Variants in ETV5 observed in about 807,000 individuals in gnomAD.
The protein encoded by ETV5 is ETS variant transcription factor 5.
Under a neutral mutation model 70.0 loss-of-function variants are expected in ETV5, and 10 were observed. That is an observed-to-expected ratio of 0.14 (90% CI 0.09 to 0.24). The LOEUF is 0.24. Ranked by LOEUF, ETV5 falls within the 10% of genes least tolerant of loss-of-function variation. The pLI, the probability that ETV5 is intolerant of heterozygous loss-of-function variation, is 1.00. For synonymous variants in ETV5, 216 were observed against 242.2 expected (o/e 0.89, Z 1.01); for missense variants, 453 against 651.2 (o/e 0.70, Z 3.31).
At position 186,064,680 on chromosome 3, in the gene ETV5, C is replaced by A; in HGVS notation, c.911-204G>T. ...ACCCACCAGCTGAAAGGCAGGCTCT[C>A]CTAATCAAGAGTCACGGGAGGAAAA... On this transcript the variant is annotated intron_variant, in intron 8 of 12. Transcript: ENST00000306376. 7.1e-6 allele frequency: 4 copies of A among 563,840 alleles called. No individual in the cohort carries two copies. The South Asian group carries it at 9.9e-5, about 14-fold the overall frequency. 34.9% of individuals were successfully genotyped at this position (563,840 alleles called of 1,614,324 possible).
chr3:186,089,641 A>G (rs1714134533), intron 5 of ETV5, among the ~76,000 whole-genome samples: 2 of 152,216 alleles, frequency 1.3e-5, no homozygotes, highest in South Asian at 2.1e-4. Flanking sequence ...GCATTTCTGG[A>G]TGCTGTTTGC....
At chr3:186,108,655 G>A (rs954683725) in intron 1 of ETV5, 38 of 1,154,488 alleles carry the variant, frequency 3.3e-5, no homozygotes, top group Non-Finnish European at 3.9e-5. Flanking sequence ...ATCCACTCGG[G>A]AGCCCCCGCA....
At chr3:186,084,282 T>TAAA (rs11327778) in intron 5 of ETV5, 750 of 217,256 alleles carry the variant, frequency 3.5e-3, no homozygotes, top group Middle Eastern at 9.3e-3. Context: ...AAAGAAATGC[T>TAAA]AAAAAAAAAA....
chr3:186,073,712 G>A (rs1312984485), intron 7 of ETV5, among the ~76,000 whole-genome samples: 19 of 152,298 alleles, frequency 1.2e-4, no homozygotes, highest in Admixed American at 9.8e-4. Flanking sequence ...CTGCAAATCA[G>A]AACCTGTGCA....
intron 7 of ETV5, among the ~76,000 whole-genome samples, chr3:186,071,718 C>G (rs751166897): frequency 0.013 from 1,975 of 150,728 alleles, 34 homozygotes; most frequent in South Asian, 0.027. Flanking sequence ...ACTTTGGGAG[C>G]TCGAGGCGGG....
intron 5 of ETV5, among the ~76,000 whole-genome samples, chr3:186,089,300 G>T (rs1439996996): frequency 6.6e-6 from 1 of 152,226 alleles, no homozygotes; most frequent in African/African-American, 2.4e-5. Context: ...GGGGACACAA[G>T]TTCTAAAAGC....
intron 5 of ETV5, among the ~76,000 whole-genome samples, chr3:186,103,798 G>T (rs749041463): frequency 2.0e-5 from 3 of 152,356 alleles, no homozygotes; most frequent in Non-Finnish European, 4.4e-5. Flanking sequence ...ACAAAGCTAA[G>T]GTAACCATGC....
chr3:186,088,625 AG>A (rs1325863254), intron 5 of ETV5, among the ~76,000 whole-genome samples: 1 of 152,234 alleles, frequency 6.6e-6, no homozygotes, highest in Non-Finnish European at 1.5e-5. Flanking sequence ...AGTAGAACAC[AG>A]GGAAAGAAGG....
At chr3:186,071,692 G>C (rs940737124) in intron 7 of ETV5, among the ~76,000 whole-genome samples, 2 of 152,112 alleles carry the variant, frequency 1.3e-5, no homozygotes, top group African/African-American at 4.8e-5. Flanking sequence ...TGGTGGCTCA[G>C]GCCTGTAATC....
chr3:186,046,887 T>G lies in ETV5; in HGVS notation c.*1752A>C, dbSNP rs561934372. On this transcript the variant is annotated 3_prime_UTR_variant, in exon 13 of 13. Coordinates refer to ENST00000306376, the MANE Select transcript of ETV5 (RefSeq NM_004454.3). ...AGGCCCAATCTACAGGTTTACCACC[T>G]TTGTGGGCTAATTAGCTTCCAATAG... is the stretch of plus-strand genomic sequence containing the variant. 4.3e-6 allele frequency: 1 copy of G among 231,368 alleles called. No homozygotes were observed. Among genetic ancestry groups the G allele is most frequent in the African/African-American group, 2.2e-5 (1 of 45,318 alleles). 14.3% of individuals were successfully genotyped at this position (231,368 alleles called of 1,614,324 possible).
intron 9 of ETV5, among the ~76,000 whole-genome samples, chr3:186,062,791 C>T (rs903703351): frequency 6.6e-6 from 1 of 152,008 alleles, no homozygotes; most frequent in Non-Finnish European, 1.5e-5. Context: ...ACAATGAGTC[C>T]TATACGATCT....
At chr3:186,090,020 A>G (rs949061258) in intron 5 of ETV5, among the ~76,000 whole-genome samples, 10 of 152,250 alleles carry the variant, frequency 6.6e-5, no homozygotes, top group African/African-American at 2.4e-4. Context: ...CCATATATAC[A>G]CAGAGATGAA....
rs781681520 is a variant in ETV5 at position 186,105,619 on chromosome 3, T to C, written c.133+6A>G. 2 of 1,614,210 alleles carry C rather than the reference T, an allele frequency of 1.2e-6. No individual in the cohort carries two copies. Among genetic ancestry groups the C allele is most frequent in the South Asian group, 2.2e-5 (2 of 91,086 alleles). On this transcript the variant is annotated splice_donor_region_variant and intron_variant, in intron 3 of 12. Coordinates refer to ENST00000306376, the MANE Select transcript of ETV5 (RefSeq NM_004454.3). This position sits in a 1 kb window ranked among gnomAD's most constrained non-coding sequence, Gnocchi z 4.5. ...GCCACAACATAATCAGGGAAAGCTT[T>C]ACTACCTTCAGAATCGTGAGCCAGA...
intron 5 of ETV5, among the ~76,000 whole-genome samples, chr3:186,086,804 G>GAAA (rs61308125): frequency 8.3e-6 from 1 of 121,110 alleles, no homozygotes; most frequent in South Asian, 2.7e-4. Context: ...AAAAAGATAC[G>GAAA]AAAAAAAAAA....
intron 5 of ETV5, among the ~76,000 whole-genome samples, chr3:186,088,797 A>T (rs1396886683): frequency 6.6e-6 from 1 of 152,212 alleles, no homozygotes; most frequent in African/African-American, 2.4e-5. Flanking sequence ...AGAGGGCTTT[A>T]AGTCACAGGA....
At chr3:186,071,369 C>T (rs1275962363) in intron 7 of ETV5, among the ~76,000 whole-genome samples, 17 of 152,294 alleles carry the variant, frequency 1.1e-4, no homozygotes, top group Non-Finnish European at 1.9e-4. Context: ...GACGGAAAAT[C>T]GAGAAGCAGC....
At chr3:186,059,631 T>C (rs1217719841) in intron 9 of ETV5, among the ~76,000 whole-genome samples, 4 of 152,222 alleles carry the variant, frequency 2.6e-5, no homozygotes, top group African/African-American at 9.6e-5. Flanking sequence ...TAGCTCCTGG[T>C]ACATAAGTGT....
At chr3:186,055,231 A>G (rs1166846798) in intron 11 of ETV5, among the ~76,000 whole-genome samples, 1 of 152,200 alleles carries the variant, frequency 6.6e-6, no homozygotes, top group Non-Finnish European at 1.5e-5. Flanking sequence ...AAATAATAAA[A>G]GCTCCTGTTT....
At position 186,105,862 on chromosome 3, in the gene ETV5, C is replaced by T. The variant is rs771889712; in HGVS notation, c.7G>A (p.Gly3Arg). 11 of 1,613,872 alleles carry T rather than the reference C, an allele frequency of 6.8e-6. No individual in the cohort carries two copies. The highest frequency in any genetic ancestry group is 5.0e-5 in the Admixed American group (3 of 59,968). The change falls in exon 2 of 13, where the codon GGG becomes AGG. Residue 3 changes from glycine to arginine, a missense_variant. By Grantham distance (125) the Gly-to-Arg change is moderately radical. This residue lies in a region of ETV5 where 47 missense variants were observed against 96.8 expected (regional missense o/e 0.49). Transcript: ENST00000306376. This position sits in a 1 kb window ranked among gnomAD's most constrained non-coding sequence, Gnocchi z 4.5. Reference protein sequence around the residue: MDGFYDQQVPFMV... With the variant: MDRFYDQQVPFMV... Reference sequence around the variant, plus strand: ...AAAGGGACTTGCTGATCATAAAACCCGTCCATGGTGCTTTCAGCGTCTCTA... The same window carrying T: ...AAAGGGACTTGCTGATCATAAAACCTGTCCATGGTGCTTTCAGCGTCTCTA...
Sources: gnomAD v4.1 joint callset for allele counts (sites outside exome capture counted in the v4.1 genomes callset) on GRCh38, gnomAD v4.1.1 for gene constraint, gnomAD v4.1.1 regional missense constraint, Gnocchi (gnomAD v3.1) non-coding constraint, MANE v1.5 for transcripts, NCBI Gene and HGNC (gene_info 2026-07-23, HGNC 2026-07-21) for gene names.